Variants in RTN4IP1 observed in about 807,000 individuals in gnomAD.
RTN4IP1 encodes NAD(P)H oxidoreductase RTN4IP1, mitochondrial.
RTN4IP1 carries 32 observed loss-of-function variants against 46.6 expected under a neutral mutation model. The ratio of observed to expected loss-of-function variants is 0.69; its 90% CI spans 0.52 to 0.92. The LOEUF (loss-of-function observed/expected upper bound fraction) is 0.92, where lower values mean the gene tolerates loss of function less well. Among genes scored for constraint, RTN4IP1 ranks in the 40% least tolerant of loss-of-function variants. RTN4IP1 has a pLI of 0.00. For missense variants in RTN4IP1, 424 were observed against 485.8 expected, an observed-to-expected ratio of 0.87 and a Z score of 1.20; for synonymous variants, 167 against 161.8, an observed-to-expected ratio of 1.03 and a Z score of -0.24.
chr6:106,623,715 T>C (rs1776555340), intron 1 of RTN4IP1, among the ~76,000 whole-genome samples: 1 of 152,262 alleles, frequency 6.6e-6, no homozygotes, highest in Admixed American at 6.5e-5. Context: ...ACTTTTAGTA[T>C]TATCTTTTAT....
Position 106,571,761 on chromosome 6 carries a change from G to C in RTN4IP1, c.*235C>G, listed in dbSNP as rs1775067677. 3 of 449,132 alleles carry C rather than the reference G, an allele frequency of 6.7e-6. No homozygotes were observed. The South Asian group carries it at 8.3e-5, about 12-fold the overall frequency. 27.8% of individuals were successfully genotyped at this position (449,132 alleles called of 1,614,324 possible). ...GGTGCCACAACAACCTGCAAAGCCA[G>C]TGTGAAGGAACAGCTTGAAAAAACT... On this transcript the variant is annotated 3_prime_UTR_variant, in exon 9 of 9. Coordinates refer to ENST00000369063, the MANE Select transcript of RTN4IP1 (RefSeq NM_032730.5).
At chr6:106,595,240 C>T (rs961736117) in intron 5 of RTN4IP1, among the ~76,000 whole-genome samples, 1 of 152,080 alleles carries the variant, frequency 6.6e-6, no homozygotes, top group Non-Finnish European at 1.5e-5. Context: ...GGGACAGTTC[C>T]ACACGTCGCT....
At chr6:106,575,762 A>G (rs1034762375) in intron 8 of RTN4IP1, among the ~76,000 whole-genome samples, 2 of 152,220 alleles carry the variant, frequency 1.3e-5, no homozygotes, top group African/African-American at 4.8e-5. Context: ...GGTAAGTGCA[A>G]GGTCAGAGCT....
chr6:106,583,501 C>T (rs1387279128), intron 7 of RTN4IP1, 81 bp from the exon 8 acceptor site: 148 of 1,096,406 alleles, frequency 1.3e-4, no homozygotes, highest in Middle Eastern at 4.0e-4. Flanking sequence ...AAAGCATTTT[C>T]TGGATGACTA....
intron 1 of RTN4IP1, among the ~76,000 whole-genome samples, chr6:106,628,083 C>T (rs1460081837): frequency 2.0e-5 from 3 of 150,046 alleles, no homozygotes; most frequent in African/African-American, 4.9e-5. Flanking sequence ...AAACAAAAAA[C>T]CCCATAAATT....
At chr6:106,620,165 T>C (rs1776452808) in intron 3 of RTN4IP1, among the ~76,000 whole-genome samples, 1 of 151,948 alleles carries the variant, frequency 6.6e-6, no homozygotes, top group Admixed American at 6.5e-5. Flanking sequence ...CTCAGCTCAC[T>C]GCAACCTCTG....
intron 7 of RTN4IP1, among the ~76,000 whole-genome samples, chr6:106,585,252 T>C (rs531722617): frequency 6.6e-6 from 1 of 152,334 alleles, no homozygotes; most frequent in East Asian, 1.9e-4. Context: ...GGTGGGAGGA[T>C]TGCTTGAGGC....
At chr6:106,608,743 C>A (rs999574124) in intron 4 of RTN4IP1, among the ~76,000 whole-genome samples, 7 of 152,056 alleles carry the variant, frequency 4.6e-5, no homozygotes, top group Non-Finnish European at 8.8e-5. Context: ...TACCTTTTGC[C>A]CTGACAATTC....
chr6:106,590,452 C>T (rs564938270), intron 6 of RTN4IP1, among the ~76,000 whole-genome samples: 21 of 152,116 alleles, frequency 1.4e-4, no homozygotes, highest in African/African-American at 5.1e-4. Flanking sequence ...CGCGGTGGTT[C>T]ACGCCTGTAA....
chr6:106,623,582 T>C (rs1370919501), intron 1 of RTN4IP1, among the ~76,000 whole-genome samples: 5 of 152,208 alleles, frequency 3.3e-5, no homozygotes, highest in African/African-American at 1.2e-4. Context: ...TGCCATTACA[T>C]GGGAAAGCAT....
At chr6:106,611,929 C>A (rs983767668) in intron 4 of RTN4IP1, among the ~76,000 whole-genome samples, 1 of 152,134 alleles carries the variant, frequency 6.6e-6, no homozygotes, top group East Asian at 1.9e-4. Context: ...CCATAATCGA[C>A]GAAGAACTTT....
intron 1 of RTN4IP1, among the ~76,000 whole-genome samples, chr6:106,623,720 T>A (rs188115400): frequency 6.6e-6 from 1 of 152,368 alleles, no homozygotes; most frequent in East Asian, 1.9e-4. Context: ...TAGTATTATC[T>A]TTTATACAGT....
At chr6:106,607,925 G>A (rs1403410315) in intron 4 of RTN4IP1, 1 of 152,204 alleles carries the variant, frequency 6.6e-6, no homozygotes, top group Non-Finnish European at 1.5e-5. Flanking sequence ...AAAACGGTAT[G>A]AAGTTTTCCC....
intron 2 of RTN4IP1, 48 bp downstream of exon 2, chr6:106,622,770 G>A: frequency 6.4e-7 from 1 of 1,572,204 alleles, no homozygotes; most frequent in Non-Finnish European, 8.7e-7. Flanking sequence ...GCTGGATCAG[G>A]GTCTGTGGGT....
At chr6:106,617,369 C>T (rs1776381441) in intron 4 of RTN4IP1, among the ~76,000 whole-genome samples, 1 of 152,186 alleles carries the variant, frequency 6.6e-6, no homozygotes, top group Non-Finnish European at 1.5e-5. Flanking sequence ...GATTGGTTAA[C>T]ATTGGCTAAA....
intron 8 of RTN4IP1, among the ~76,000 whole-genome samples, chr6:106,575,653 A>G (rs899415186): frequency 6.6e-6 from 1 of 152,204 alleles, no homozygotes; most frequent in Non-Finnish European, 1.5e-5. Context: ...TTTTCCCTCA[A>G]TTCCCGTTTT....
At chr6:106,605,464 C>T (rs933608404) in intron 4 of RTN4IP1, among the ~76,000 whole-genome samples, 1 of 149,766 alleles carries the variant, frequency 6.7e-6, no homozygotes, top group Admixed American at 6.7e-5. Flanking sequence ...CCACAAACTA[C>T]AGCGTAAGCC....
intron 7 of RTN4IP1, among the ~76,000 whole-genome samples, chr6:106,586,896 G>A (rs1236733700): frequency 2.0e-5 from 3 of 152,254 alleles, no homozygotes; most frequent in East Asian, 3.9e-4. Flanking sequence ...GCCACTCACC[G>A]ATGTGTGCAA....
At chr6:106,580,616 G>A (rs1285900295) in intron 8 of RTN4IP1, among the ~76,000 whole-genome samples, 7 of 151,784 alleles carry the variant, frequency 4.6e-5, no homozygotes, top group Non-Finnish European at 7.4e-5. Context: ...CTACTCAGGA[G>A]GCTGAGGCAG....
Sources: gnomAD v4.1 joint callset for allele counts (sites outside exome capture counted in the v4.1 genomes callset) on GRCh38, gnomAD v4.1.1 for gene constraint, MANE v1.5 for transcripts, NCBI Gene and HGNC (gene_info 2026-07-23, HGNC 2026-07-21) for gene names.